GABRG3: variants seen among roughly 807,000 people sequenced by gnomAD.
GABRG3 encodes the protein gamma-aminobutyric acid receptor subunit gamma-3.
A neutral mutation model predicts 48.8 loss-of-function variants in GABRG3; 25 were observed. That is an observed-to-expected ratio of 0.51 (90% CI 0.37 to 0.72). GABRG3 has a LOEUF of 0.72. GABRG3 is among the 30% of genes least tolerant of loss of function. The probability of loss-of-function intolerance (pLI) is 0.00; values close to 1 mark genes in which losing one functional copy is unlikely to be tolerated. For missense variants in GABRG3, 394 were observed against 577.9 expected (o/e 0.68, Z 3.26); for synonymous variants, 227 against 217.6 (o/e 1.04, Z -0.38).
chr15:26,980,167 G>T (rs1169875741), intron 2 of GABRG3, among the ~76,000 whole-genome samples: 1 of 151,872 alleles, frequency 6.6e-6, no homozygotes, highest in Non-Finnish European at 1.5e-5. Context: ...TAATATCCCT[G>T]CTTCATTTCT....
At position 27,248,940 on chromosome 15, in the gene GABRG3, G is replaced by T. The variant is rs79401831; in HGVS notation, c.271-77869G>T. ...ATTCTTTTAACGCGAAGCCATCGGC[G>T]ACTGGCCCCGGAGGCTGAGGACCCC... On this transcript the variant is annotated intron_variant, in intron 3 of 9. Transcript: ENST00000615808. Among the ~76,000 whole-genome samples the T allele has an allele frequency of 6.3e-3, 956 of 152,192 alleles. 34 individuals are homozygous for T. In the East Asian group the frequency reaches 0.091, roughly 14 times the overall value.
intron 3 of GABRG3, among the ~76,000 whole-genome samples, chr15:27,253,351 A>C (rs988846642): frequency 6.6e-6 from 1 of 152,188 alleles, no homozygotes; most frequent in African/African-American, 2.4e-5. Context: ...TTGCAGGGTC[A>C]TGGTGGCTGC....
intron 3 of GABRG3, among the ~76,000 whole-genome samples, chr15:27,080,111 A>C (rs149256799): frequency 6.6e-6 from 1 of 152,060 alleles, no homozygotes; most frequent in African/African-American, 2.4e-5. Context: ...GGTTGCCTCA[A>C]GGCTCCCCAA....
intron 5 of GABRG3, among the ~76,000 whole-genome samples, chr15:27,470,982 C>T (rs1293729893): frequency 1.3e-5 from 2 of 152,112 alleles, no homozygotes; most frequent in Admixed American, 6.5e-5. Context: ...TTCATCTTGC[C>T]TGCATCCCAG....
intron 9 of GABRG3, among the ~76,000 whole-genome samples, chr15:27,529,549 G>T (rs371458704): frequency 6.3e-4 from 96 of 152,234 alleles, no homozygotes; most frequent in African/African-American, 2.2e-3. Context: ...CATATGCAGC[G>T]CACTTCCAGC....
At chr15:27,146,471 C>T (rs1217570223) in intron 3 of GABRG3, among the ~76,000 whole-genome samples, 1 of 152,080 alleles carries the variant, frequency 6.6e-6, no homozygotes, top group Non-Finnish European at 1.5e-5. Flanking sequence ...ACAACAACAA[C>T]AACAACAAAA....
At chr15:27,193,498 T>A (rs1277318055) in intron 3 of GABRG3, among the ~76,000 whole-genome samples, 4 of 151,886 alleles carry the variant, frequency 2.6e-5, no homozygotes, top group African/African-American at 9.7e-5. Context: ...TCAGCGAGAC[T>A]CCGTGGGCGT....
intron 6 of GABRG3, among the ~76,000 whole-genome samples, chr15:27,501,421 C>T (rs890086476): frequency 2.0e-5 from 3 of 152,102 alleles, no homozygotes; most frequent in African/African-American, 4.8e-5. Flanking sequence ...TGGGACGAAA[C>T]GAGCATCAGG....
chr15:27,045,410 C>T (rs1238351734), intron 3 of GABRG3, among the ~76,000 whole-genome samples: 1 of 152,246 alleles, frequency 6.6e-6, no homozygotes, highest in Non-Finnish European at 1.5e-5. Context: ...TCCTTATGCT[C>T]TGTCATTATT....
chr15:27,507,516 T>TAATA lies in GABRG3; in HGVS notation c.713-12437_713-12434dup, dbSNP rs576105528. ...GAGACTTCATCTTAAAAAATAAAAA[T>TAATA]AATAAATAAATAAATAAATAAACAA... On this transcript the variant is annotated intron_variant, in intron 6 of 9. Transcript: ENST00000615808. 1.2e-3 allele frequency among the ~76,000 whole-genome samples: 179 copies of TAATA among 151,968 alleles called. 1 individual carries two copies. Among genetic ancestry groups the TAATA allele is most frequent in the East Asian group, 3.5e-3 (18 of 5,182 alleles).
chr15:27,373,335 A>G (rs28549123), intron 5 of GABRG3, among the ~76,000 whole-genome samples: 46,945 of 152,132 alleles, frequency 0.31, 7,398 homozygotes, highest in Middle Eastern at 0.4. Context: ...ATACCAGTTA[A>G]AGGAGCATTT....
chr15:27,020,644 C>T (rs1014292728), intron 2 of GABRG3, among the ~76,000 whole-genome samples: 4 of 152,140 alleles, frequency 2.6e-5, no homozygotes, highest in Admixed American at 6.5e-5. Flanking sequence ...GTCTCGATCT[C>T]CCGACCTCGT....
intron 6 of GABRG3, among the ~76,000 whole-genome samples, chr15:27,490,804 C>T (rs1890331255): frequency 6.6e-6 from 1 of 152,306 alleles, no homozygotes; most frequent in African/African-American, 2.4e-5. Context: ...ATATATTTAT[C>T]TTTTAGACTC....
chr15:27,220,618 A>C (rs2140440512), intron 3 of GABRG3, among the ~76,000 whole-genome samples: 1 of 152,290 alleles, frequency 6.6e-6, no homozygotes, highest in South Asian at 2.1e-4. Context: ...TGGGTTTCTG[A>C]AAAACAACTC....
chr15:27,428,037 A>G (rs1167258370), intron 5 of GABRG3: 2 of 152,230 alleles, frequency 1.3e-5, no homozygotes, highest in Non-Finnish European at 2.9e-5. Flanking sequence ...CCATGCCACC[A>G]TGCCTGGCTA....
At chr15:27,519,886 A>G (rs1327601834) in intron 6 of GABRG3, 86 bp from the exon 7 acceptor site, 1 of 959,872 alleles carries the variant, frequency 1.0e-6, no homozygotes, top group African/African-American at 1.7e-5. Flanking sequence ...CAAGTCATTC[A>G]CTTAACAAAA....
At chr15:27,288,565 G>A (rs1012698582) in intron 3 of GABRG3, among the ~76,000 whole-genome samples, 2 of 151,974 alleles carry the variant, frequency 1.3e-5, no homozygotes, top group African/African-American at 4.8e-5. Flanking sequence ...AGGAGGTAGA[G>A]CTCAGGCATT....
At chr15:27,499,822 G>A (rs1227827087) in intron 6 of GABRG3, among the ~76,000 whole-genome samples, 1 of 152,172 alleles carries the variant, frequency 6.6e-6, no homozygotes, top group Non-Finnish European at 1.5e-5. Context: ...GATGTGGATG[G>A]GGAGCCTGAG....
At chr15:26,983,191 T>C (rs1370461185) in intron 2 of GABRG3, among the ~76,000 whole-genome samples, 2 of 151,962 alleles carry the variant, frequency 1.3e-5, no homozygotes, top group Admixed American at 6.6e-5. Context: ...TCATTTGCTA[T>C]AACCATCAGG....
Sources: allele counts gnomAD v4.1 joint callset (sites outside exome capture counted in the v4.1 genomes callset), GRCh38; gene constraint gnomAD v4.1.1; transcripts MANE v1.5; gene names NCBI Gene and HGNC (gene_info 2026-07-23, HGNC 2026-07-21).